USH2A: variants seen among roughly 807,000 people sequenced by gnomAD.
The protein encoded by USH2A is usherin, also known as Usher syndrome 2A (autosomal recessive, mild).
In USH2A, 443 loss-of-function variants were observed where a neutral mutation model predicts 538.9. That is an observed-to-expected ratio of 0.82 (90% CI 0.76 to 0.89). The LOEUF (loss-of-function observed/expected upper bound fraction) is 0.89. Ranked by LOEUF, USH2A falls within the 40% of genes least tolerant of loss-of-function variation. USH2A has a pLI of 0.00. For missense variants in USH2A, 6,633 were observed against 6,324.8 expected (o/e 1.05, Z -1.65); for synonymous variants, 2,413 against 2,273.5 (o/e 1.06, Z -1.75).
At chr1:216,416,692 GGGAGTAATTCAGTCAT>G (rs1267810201) in intron 3 of USH2A, among the ~76,000 whole-genome samples, 1 of 152,096 alleles carries the variant, frequency 6.6e-6, no homozygotes, top group Non-Finnish European at 1.5e-5. Flanking sequence ...TTATCCCCAA[GGGAGTAATTCAGTCAT>G]GGTTACCGCT....
At chr1:215,955,562 G>A (rs555447192) in intron 37 of USH2A, among the ~76,000 whole-genome samples, 34 of 152,012 alleles carry the variant, frequency 2.2e-4, no homozygotes, top group Non-Finnish European at 4.7e-4. Context: ...CTGCTTCTTG[G>A]GTGTAAAACT....
rs532338428 is a variant in USH2A at position 216,334,871 on chromosome 1, C to T, written c.785-7217G>A. Among the ~76,000 whole-genome samples, 6 of 151,804 alleles carry T rather than the reference C, an allele frequency of 4.0e-5. 1 individual carries two copies. The East Asian group carries it at 1.2e-3, about 29-fold the overall frequency. ...CAACAATAGTGGAGACTTCAATATC[C>T]TACTTTCAATCATGGAGAGAGCAAC... On this transcript the variant is annotated intron_variant, in intron 4 of 71. Transcript: ENST00000307340.
chr1:216,226,661 G>A (rs930161388), intron 14 of USH2A, among the ~76,000 whole-genome samples: 1 of 152,162 alleles, frequency 6.6e-6, no homozygotes, highest in Admixed American at 6.5e-5. Flanking sequence ...TTTTAGTGCA[G>A]TCAGATGCAT....
chr1:215,798,762 G>A (rs1489634530), intron 50 of USH2A, 145 bp downstream of exon 50: 7 of 959,918 alleles, frequency 7.3e-6, no homozygotes, highest in Non-Finnish European at 9.7e-6. Context: ...ATTGTTATGT[G>A]TTAAACAATA....
chr1:216,262,330 A>G (rs935722420), intron 11 of USH2A, among the ~76,000 whole-genome samples: 1 of 152,186 alleles, frequency 6.6e-6, no homozygotes, highest in Non-Finnish European at 1.5e-5. Flanking sequence ...AATCAGGAAA[A>G]GAATTCATGA....
chr1:216,130,053 C>G (rs1370560014), intron 21 of USH2A, among the ~76,000 whole-genome samples: 1 of 151,846 alleles, frequency 6.6e-6, no homozygotes, highest in Non-Finnish European at 1.5e-5. Flanking sequence ...AAACAAAAAT[C>G]AAATTTAAAT....
chr1:215,961,677 G>A (rs1667204857), intron 37 of USH2A, among the ~76,000 whole-genome samples: 1 of 151,618 alleles, frequency 6.6e-6, no homozygotes, highest in Non-Finnish European at 1.5e-5. Context: ...GTAAATAAAG[G>A]TACAGATATG....
At chr1:216,284,883 C>G (rs1178661152) in intron 11 of USH2A, among the ~76,000 whole-genome samples, 6 of 152,128 alleles carry the variant, frequency 3.9e-5, no homozygotes. Context: ...AAAGGTCATT[C>G]TTGCTATGCA....
Position 215,674,567 on chromosome 1 carries a change from G to C in USH2A, c.13344C>G (p.Asp4448Glu). 1.2e-6 allele frequency: 2 copies of C among 1,614,024 alleles called. No homozygotes were observed. Among genetic ancestry groups the C allele is most frequent in the Non-Finnish European group, 8.5e-7 (1 of 1,179,960 alleles). Residue 4448 changes from aspartate to glutamate, a missense_variant, in exon 63 of 72, where the codon GAC becomes GAG. Transcript: ENST00000307340. ...WTMEALPENMDSPTLQVTGSE... is the reference protein window; with the variant it reads ...WTMEALPENMESPTLQVTGSE... Reference sequence around the variant, plus strand: ...AGCCTGTGACTTGCAATGTTGGAGAGTCCATGTTCTCTGGCAGGGCCTCCA... The same window carrying C: ...AGCCTGTGACTTGCAATGTTGGAGACTCCATGTTCTCTGGCAGGGCCTCCA...
At chr1:215,685,589 T>A (rs749663673) in intron 61 of USH2A, among the ~76,000 whole-genome samples, 3 of 152,070 alleles carry the variant, frequency 2.0e-5, no homozygotes, top group Non-Finnish European at 4.4e-5. Context: ...AACTTCGGAC[T>A]TCAGGTGATC....
rs147578707 is a variant in USH2A at position 216,163,768 on chromosome 1, C to A, written c.4627+11484G>T. 3.4e-3 allele frequency among the ~76,000 whole-genome samples: 509 copies of A among 151,596 alleles called. 4 individuals carry two copies. Among genetic ancestry groups the A allele is most frequent in the African/African-American group, 0.012 (487 of 41,400 alleles). On this transcript the variant is annotated intron_variant, in intron 21 of 71. Coordinates refer to ENST00000307340, the MANE Select transcript of USH2A (RefSeq NM_206933.4). Reference sequence around the variant, plus strand: ...TGTATACCAGGACCCCACCTAGACTCTAATTTTTTGCCTGTCTTTTTTTTT... The same window carrying A: ...TGTATACCAGGACCCCACCTAGACTATAATTTTTTGCCTGTCTTTTTTTTT...
chr1:216,098,107 CCCTACCATTACATGGCCCCATCTCCAGT>C (rs1204111726), intron 21 of USH2A, among the ~76,000 whole-genome samples: 2 of 151,722 alleles, frequency 1.3e-5, no homozygotes, highest in African/African-American at 4.8e-5. Flanking sequence ...GATGCCTTCC[CCCTACCATTACATGGCCCCATCTCCAGT>C]CCTACCATTA....
intron 40 of USH2A, among the ~76,000 whole-genome samples, chr1:215,899,034 CT>C (rs577681722): frequency 1.3e-5 from 2 of 151,858 alleles, no homozygotes; most frequent in African/African-American, 2.4e-5. Context: ...ATAAAGGTGG[CT>C]TTTTTTTGTA....
intron 55 of USH2A, among the ~76,000 whole-genome samples, chr1:215,778,143 C>T (rs1366313690): frequency 1.3e-5 from 2 of 151,844 alleles, no homozygotes; most frequent in Non-Finnish European, 2.9e-5. Context: ...CCTCTGCCGC[C>T]CAGGTTGGAG....
chr1:215,934,816 TTAAAA>T, intron 37 of USH2A, 21 bp from the exon 38 acceptor site: 1 of 1,572,952 alleles, frequency 6.4e-7, no homozygotes, highest in Admixed American at 1.7e-5. Context: ...AAGAAAATTA[TTAAAA>T]TAAATACATA....
chr1:215,895,116 A>T (rs1019810678), intron 40 of USH2A, among the ~76,000 whole-genome samples: 2 of 152,182 alleles, frequency 1.3e-5, no homozygotes, highest in Non-Finnish European at 2.9e-5. Flanking sequence ...AAACAGTATC[A>T]TATCCATCCT....
At chr1:215,886,591 T>C (rs933767785) in intron 41 of USH2A, 3 of 152,190 alleles carry the variant, frequency 2.0e-5, no homozygotes, top group Admixed American at 2.0e-4. Context: ...GACACCTTCT[T>C]AGAGACATTG....
rs184227202 is a variant in USH2A, at chr1:216,112,681, C to T, written c.4628-15468G>A. On this transcript the variant is annotated intron_variant, in intron 21 of 71. Transcript: ENST00000307340. ...GTGTTCATGAGTTCTCATTATTTAA[C>T]TCCCACTTATAAGTGAGAATGTGCA... Among the ~76,000 whole-genome samples the T allele has an allele frequency of 1.3e-3, 203 of 152,232 alleles. 1 individual carries two copies. The highest frequency in any genetic ancestry group is 3.4e-3 in the Middle Eastern group (1 of 294).
At chr1:216,200,977 A>C (rs146280209) in intron 16 of USH2A, among the ~76,000 whole-genome samples, 5,021 of 49,616 alleles carry the variant, frequency 0.1, 398 homozygotes, top group Non-Finnish European at 0.12. Flanking sequence ...CCCCCCATCC[A>C]TCCCTCCCTC....
Sources: gnomAD v4.1 joint callset for allele counts (sites outside exome capture counted in the v4.1 genomes callset) on GRCh38, gnomAD v4.1.1 for gene constraint, MANE v1.5 for transcripts, NCBI Gene and HGNC (gene_info 2026-07-23, HGNC 2026-07-21) for gene names.